Variants in SRGAP1 observed in about 807,000 individuals in gnomAD.
SRGAP1 encodes the protein SLIT-ROBO Rho GTPase activating protein 1, also known as SLIT-ROBO Rho GTPase-activating protein 1.
A neutral mutation model predicts 121.9 loss-of-function variants in SRGAP1; 43 were observed. The observed-to-expected ratio is 0.35, with a 90% CI of 0.28 to 0.46. The LOEUF (loss-of-function observed/expected upper bound fraction) is 0.46. Among genes scored for constraint, SRGAP1 ranks in the 20% least tolerant of loss-of-function variants. SRGAP1 has a pLI of 1.00. For synonymous variants in SRGAP1, 447 were observed against 485.4 expected (o/e 0.92, Z 1.04); for missense variants, 1,102 against 1,350.9 (o/e 0.82, Z 2.89).
chr12:64,024,815 C>A (rs918428089), intron 4 of SRGAP1, among the ~76,000 whole-genome samples: 3 of 152,154 alleles, frequency 2.0e-5, no homozygotes, highest in Admixed American at 6.5e-5. Flanking sequence ...AGTGAAGGGG[C>A]AGCCCTTATA....
chr12:64,064,552 A>G (rs145841640), intron 7 of SRGAP1, among the ~76,000 whole-genome samples: 1 of 152,306 alleles, frequency 6.6e-6, no homozygotes, highest in Non-Finnish European at 1.5e-5. Flanking sequence ...GCACTGTTCT[A>G]AGTTCCTTGT....
chr12:64,129,252 C>T (rs2036746747), intron 21 of SRGAP1, among the ~76,000 whole-genome samples: 1 of 152,038 alleles, frequency 6.6e-6, no homozygotes, highest in Non-Finnish European at 1.5e-5. Flanking sequence ...GGCTGAGGAG[C>T]AAGGAGAGCC....
intron 6 of SRGAP1, among the ~76,000 whole-genome samples, chr12:64,059,717 C>T (rs1360141931): frequency 6.6e-6 from 1 of 152,076 alleles, no homozygotes; most frequent in Non-Finnish European, 1.5e-5. Flanking sequence ...AACCGCTCCA[C>T]ACAACCATTA....
In SRGAP1 at chr12:64,088,283, C is replaced by T. The variant is rs112785545; in HGVS notation, c.1436+1257C>T. ...GTGAAAAAGAAGACTATTACCTCGA[C>T]CTGGTAATATGCAGCTTATAGAGAT... On this transcript the variant is annotated intron_variant, in intron 11 of 21. Coordinates refer to ENST00000355086, the MANE Select transcript of SRGAP1 (RefSeq NM_020762.4). Among the ~76,000 whole-genome samples the T allele has an allele frequency of 3.7e-3, 560 of 152,260 alleles. 2 individuals carry two copies. Among genetic ancestry groups the T allele is most frequent in the African/African-American group, 0.013 (524 of 41,542 alleles).
At position 64,149,324 on chromosome 12, in the gene SRGAP1, T is replaced by C. The variant is rs558353089; in HGVS notation, c.*6652T>C. The C allele has an allele frequency of 6.6e-6, 1 of 152,340 alleles. No homozygotes were observed. Among genetic ancestry groups the C allele is most frequent in the African/African-American group, 2.4e-5 (1 of 41,586 alleles). 9.4% of individuals were successfully genotyped at this position (152,340 alleles called of 1,614,324 possible). A position where few individuals can be genotyped will look rare whatever the true frequency, so the allele number is the denominator to read the frequency against. ...TATGGAGACTGGAAATATTCATAGA[T>C]GACACTGAAACTAGTTGAAGCTTTA... On this transcript the variant is annotated 3_prime_UTR_variant, in exon 22 of 22. Transcript: ENST00000355086.
intron 1 of SRGAP1, among the ~76,000 whole-genome samples, chr12:63,941,158 A>G (rs2031850957): frequency 6.6e-6 from 1 of 151,444 alleles, no homozygotes; most frequent in South Asian, 2.1e-4. Context: ...AGTCTTTAAT[A>G]TATATTTAAT....
chr12:63,966,590 T>A (rs2032797188), intron 1 of SRGAP1, among the ~76,000 whole-genome samples: 1 of 152,176 alleles, frequency 6.6e-6, no homozygotes, highest in Non-Finnish European at 1.5e-5. Flanking sequence ...TTCTAATTTT[T>A]TTTTTCTAGA....
chr12:63,974,629 G>A (rs191678900), intron 1 of SRGAP1, among the ~76,000 whole-genome samples: 1 of 152,140 alleles, frequency 6.6e-6, no homozygotes, highest in East Asian at 1.9e-4. Flanking sequence ...GTTCTAAGAT[G>A]AGCCTATGAT....
chr12:63,878,856 G>A (rs1900106428), intron 1 of SRGAP1: 1 of 152,278 alleles, frequency 6.6e-6, no homozygotes, highest in Non-Finnish European at 1.5e-5. Flanking sequence ...CACCTTGTTG[G>A]GTTGCTGAGA....
chr12:63,886,435 A>G (rs1340407579), intron 1 of SRGAP1, among the ~76,000 whole-genome samples: 4 of 149,380 alleles, frequency 2.7e-5, no homozygotes, highest in Admixed American at 2.0e-4. Context: ...CAAAGTAAAA[A>G]CCCTTTTTTT....
At chr12:63,894,937 T>C (rs1024485294) in intron 1 of SRGAP1, among the ~76,000 whole-genome samples, 2 of 151,092 alleles carry the variant, frequency 1.3e-5, no homozygotes, top group Admixed American at 6.6e-5. Context: ...AACACACATG[T>C]GCATGTGCCT....
At chr12:64,098,074 A>C (rs1167368911) in intron 15 of SRGAP1, among the ~76,000 whole-genome samples, 1 of 152,190 alleles carries the variant, frequency 6.6e-6, no homozygotes, top group East Asian at 1.9e-4. Flanking sequence ...GTTCCCAGCA[A>C]GAGTCTAGAG....
intron 4 of SRGAP1, among the ~76,000 whole-genome samples, chr12:64,035,895 C>G (rs1013761634): frequency 6.6e-6 from 1 of 152,192 alleles, no homozygotes; most frequent in Admixed American, 6.5e-5. Flanking sequence ...CTACATCATA[C>G]CTTAGACACT....
At position 64,109,024 on chromosome 12, in the gene SRGAP1, G is replaced by T. The variant is rs1005423303; in HGVS notation, c.1906G>T (p.Ala636Ser). Reference protein sequence around the residue: ...SVLIVMRYLFAFLNHLSQYSD... With the variant: ...SVLIVMRYLFSFLNHLSQYSD... ...CCTTATAGTGATGAGGTACCTCTTT[G>T]CCTTCCTCAATCAGTAAGTACCTGA... Residue 636 changes from alanine (A) to serine (S), a missense_variant, in exon 16 of 22, where the codon GCC (alanine) becomes TCC (serine). Physicochemically the swap from Ala to Ser is moderately conservative, Grantham distance 99. Around this residue, in one of 3 missense-constraint regions of SRGAP1, gnomAD observed 747 missense variants for 929.4 expected, o/e 0.80. Coordinates refer to ENST00000355086, the MANE Select transcript of SRGAP1 (RefSeq NM_020762.4). The T allele has an allele frequency of 2.6e-5, 40 of 1,560,994 alleles. No homozygotes were observed. The highest frequency in any genetic ancestry group is 3.4e-5 in the Non-Finnish European group (39 of 1,145,828).
chr12:63,989,898 T>C lies in SRGAP1; in HGVS notation c.264-12T>C. On this transcript the variant is annotated splice_polypyrimidine_tract_variant and intron_variant, in intron 2 of 21. Coordinates refer to ENST00000355086, the MANE Select transcript of SRGAP1 (RefSeq NM_020762.4). ...GAAATGGGTGGTAATTCTGTGTTTCTTCACTTCTTAGGAAAGACCAGAACC... is the reference window on the plus strand; with the variant it reads ...GAAATGGGTGGTAATTCTGTGTTTCCTCACTTCTTAGGAAAGACCAGAACC... The C allele has an allele frequency of 3.2e-6, 5 of 1,585,486 alleles. No homozygotes were observed. Among genetic ancestry groups the C allele is most frequent in the Non-Finnish European group, 4.3e-6 (5 of 1,170,558 alleles).
At chr12:63,951,140 C>A (rs964860895) in intron 1 of SRGAP1, among the ~76,000 whole-genome samples, 30 of 138,782 alleles carry the variant, frequency 2.2e-4, no homozygotes, top group African/African-American at 8.3e-4. Context: ...CTGGTCCATG[C>A]CATTTAGAAC....
chr12:63,960,847 C>G (rs985059522), intron 1 of SRGAP1, among the ~76,000 whole-genome samples: 4 of 152,132 alleles, frequency 2.6e-5, no homozygotes, highest in South Asian at 2.1e-4. Context: ...TCAGCAGGCT[C>G]TAGAAGCTGG....
intron 1 of SRGAP1, among the ~76,000 whole-genome samples, chr12:63,873,695 G>A (rs1899933734): frequency 6.6e-6 from 1 of 151,726 alleles, no homozygotes; most frequent in Admixed American, 6.6e-5. Flanking sequence ...TTGAGATGGA[G>A]TCTCACCCTG....
chr12:64,075,055 G>C (rs7954647), intron 8 of SRGAP1, among the ~76,000 whole-genome samples: 3,690 of 152,060 alleles, frequency 0.024, 129 homozygotes, highest in African/African-American at 0.082. Context: ...AGCGGCGCTA[G>C]AGAAATTAAA....
Sources: gnomAD v4.1 joint callset for allele counts (sites outside exome capture counted in the v4.1 genomes callset) on GRCh38, gnomAD v4.1.1 for gene constraint, gnomAD v4.1.1 regional missense constraint, MANE v1.5 for transcripts, NCBI Gene and HGNC (gene_info 2026-07-23, HGNC 2026-07-21) for gene names.